ENTPD5: variants seen among roughly 807,000 people sequenced by gnomAD.
The protein encoded by ENTPD5 is nucleoside diphosphate phosphatase ENTPD5.
ENTPD5 carries 49 observed loss-of-function variants against 60.2 expected under a neutral mutation model. The ratio of observed to expected loss-of-function variants is 0.81; its 90% CI spans 0.65 to 1.03. The LOEUF is 1.03. Ranked by LOEUF, ENTPD5 falls within the 50% of genes least tolerant of loss-of-function variation. ENTPD5 has a pLI of 0.00. For synonymous variants in ENTPD5, 187 were observed against 185.4 expected, an observed-to-expected ratio of 1.01 and a Z score of -0.07; for missense variants, 480 against 507.6, an observed-to-expected ratio of 0.95 and a Z score of 0.52.
intron 4 of ENTPD5, 108 bp downstream of exon 4, chr14:73,987,778 G>T: frequency 1.1e-6 from 1 of 925,966 alleles, no homozygotes; most frequent in Non-Finnish European, 1.7e-6. Context: ...CATCCACTAG[G>T]TGTGAGATTC....
At chr14:73,960,966 A>C (rs963998869), downstream of ENTPD5, 2 of 672,916 alleles carry the variant, frequency 3.0e-6, no homozygotes, top group African/African-American at 3.5e-5. Context: ...GGGCCAGCTC[A>C]TGTACAGTTT....
At position 73,975,988 on chromosome 14, in the gene ENTPD5, A is replaced by G. The variant is rs780167939; in HGVS notation, c.670T>C (p.Tyr224His). 1 of 1,613,658 alleles carries G rather than the reference A, an allele frequency of 6.2e-7. No homozygotes were observed. Among genetic ancestry groups the G allele is most frequent in the African/African-American group, 1.3e-5 (1 of 75,048 alleles). Residue 224 changes from tyrosine (Y) to histidine (H), a missense_variant, in exon 10 of 16, where the codon TAC becomes CAC. Tyr to His is a moderately conservative substitution (Grantham distance 83). Coordinates refer to ENST00000334696, the MANE Select transcript of ENTPD5 (RefSeq NM_001249.5). ...EKTLEQTPRG[Y>H]LTSFEMFNST... ...TTAAACATCTCAAAGGAAGTGAGGT[A>G]GCCCCTAGGAGTTTGTTCCAGAGTT...
At chr14:73,970,976 C>T (rs1326263676) in intron 14 of ENTPD5, among the ~76,000 whole-genome samples, 1 of 152,008 alleles carries the variant, frequency 6.6e-6, no homozygotes, top group African/African-American at 2.4e-5. Flanking sequence ...CAGGTCGAAC[C>T]ACTGTGCCTA....
chr14:74,009,819 G>A (rs571298839), intron 3 of ENTPD5, among the ~76,000 whole-genome samples: 4 of 151,516 alleles, frequency 2.6e-5, no homozygotes, highest in Non-Finnish European at 5.9e-5. Context: ...ACGGAGTCTC[G>A]CTCTGTCGCT....
At position 73,977,303 on chromosome 14, in the gene ENTPD5, G is replaced by T. The variant is rs1489508400; in HGVS notation, c.513C>A (p.Asp171Glu). The T allele has an allele frequency of 1.9e-6, 3 of 1,608,722 alleles. No individual in the cohort carries two copies. The highest frequency in any genetic ancestry group is 1.7e-6 in the Non-Finnish European group (2 of 1,177,986). The part of the protein sequence containing the change: ...KGSVSIMDGS[D>E]EGILAWVTVN... ...GCATATCAACACCTCTCCCACCTTC[G>T]TCGGATCCATCCATGATGCTAACAC... is the stretch of plus-strand genomic sequence containing the variant. Residue 171 changes from aspartate (D) to glutamate (E), a missense_variant, in exon 7 of 16, where the codon GAC becomes GAA. By Grantham distance (45) the Asp-to-Glu change is conservative (BLOSUM62 2). Transcript: ENST00000334696.
intron 15 of ENTPD5, 50 bp from the exon 16 acceptor site, chr14:73,967,064 A>G: frequency 6.7e-7 from 1 of 1,485,694 alleles, no homozygotes; most frequent in Non-Finnish European, 9.4e-7. Flanking sequence ...TTCCAACTCT[A>G]GCAAGCACAG....
At chr14:73,973,423 C>A (rs2057312980) in intron 12 of ENTPD5, among the ~76,000 whole-genome samples, 1 of 152,164 alleles carries the variant, frequency 6.6e-6, no homozygotes, top group African/African-American at 2.4e-5. Flanking sequence ...TTAAGTTTTA[C>A]TATAATTTAA....
intron 3 of ENTPD5, among the ~76,000 whole-genome samples, chr14:74,001,508 A>G (rs1201800010): frequency 6.6e-6 from 1 of 151,628 alleles, no homozygotes; most frequent in Admixed American, 6.6e-5. Context: ...TCCCAAAAAA[A>G]AAGAAAAAAA....
downstream of ENTPD5, among the ~76,000 whole-genome samples, chr14:73,957,253 G>A (rs62006130): frequency 0.38 from 57,327 of 151,650 alleles, 12,660 homozygotes; most frequent in South Asian, 0.5. Context: ...GCCTGCCACC[G>A]TGCCCAGCTA....
At chr14:73,983,308 G>A (rs1295149113) in intron 5 of ENTPD5, 147 bp from the exon 6 acceptor site, 1 of 803,820 alleles carries the variant, frequency 1.2e-6, no homozygotes, top group Admixed American at 3.0e-5. Context: ...GAGAAACCTA[G>A]AGAAGTGGGC....
At chr14:73,972,189 C>A (rs1056836400) in intron 13 of ENTPD5, among the ~76,000 whole-genome samples, 1 of 151,432 alleles carries the variant, frequency 6.6e-6, no homozygotes, top group African/African-American at 2.4e-5. Flanking sequence ...CCAGCCTGAC[C>A]AACATGGTGA....
chr14:73,958,533 G>A (rs2056553433), downstream of ENTPD5: 1 of 1,325,934 alleles, frequency 7.5e-7, no homozygotes, highest in African/African-American at 1.5e-5. Flanking sequence ...CCAGAGTGTT[G>A]GGAATGGAGG....
intron 3 of ENTPD5, chr14:74,009,296 A>G (rs1415661603): frequency 2.6e-5 from 4 of 152,216 alleles, no homozygotes; most frequent in Non-Finnish European, 5.9e-5. Flanking sequence ...CTCCAAACCC[A>G]TATCCATTGT....
At chr14:74,018,363 G>T (rs1404457267) in intron 1 of ENTPD5, 1 of 152,046 alleles carries the variant, frequency 6.6e-6, no homozygotes, top group African/African-American at 2.4e-5. Context: ...TGGTGACGAA[G>T]GATCTACAAC....
At chr14:73,959,713 G>T (rs753624866), downstream of ENTPD5, 6 of 1,193,070 alleles carry the variant, frequency 5.0e-6, no homozygotes, top group African/African-American at 4.6e-5. Context: ...GGGACTACAG[G>T]CACGTGCCAC....
chr14:74,009,861 G>A (rs1324489237), intron 3 of ENTPD5, among the ~76,000 whole-genome samples: 1 of 151,864 alleles, frequency 6.6e-6, no homozygotes, highest in East Asian at 1.9e-4. Context: ...GCATGATCTC[G>A]GCTCATTGCA....
At chr14:73,956,228 T>A, downstream of ENTPD5, 1 of 351,140 alleles carries the variant, frequency 2.8e-6, no homozygotes, top group Non-Finnish European at 5.6e-6. Context: ...CTTGGGAGGC[T>A]GAGGCAGGAG....
At chr14:74,017,362 T>C (rs1159604050) in intron 1 of ENTPD5, among the ~76,000 whole-genome samples, 1 of 147,826 alleles carries the variant, frequency 6.8e-6, no homozygotes, top group Non-Finnish European at 1.5e-5. Context: ...TGGCAGATGG[T>C]ATGTATAATA....
downstream of ENTPD5, among the ~76,000 whole-genome samples, chr14:73,957,072 T>G (rs1193328414): frequency 6.6e-6 from 1 of 151,626 alleles, no homozygotes; most frequent in East Asian, 1.9e-4. Context: ...TGTCCAGACT[T>G]CTACAGCGAG....
Sources: allele counts gnomAD v4.1 joint callset (sites outside exome capture counted in the v4.1 genomes callset), GRCh38; gene constraint gnomAD v4.1.1; transcripts MANE v1.5; gene names NCBI Gene and HGNC (gene_info 2026-07-23, HGNC 2026-07-21).